Variants in KIRREL3 observed in about 807,000 individuals in gnomAD.
KIRREL3 encodes the protein kirre like nephrin family adhesion molecule 3, also known as kin of IRRE-like protein 3.
KIRREL3 carries 36 observed loss-of-function variants against 89.7 expected under a neutral mutation model. The ratio of observed to expected loss-of-function variants is 0.40; its 90% CI spans 0.31 to 0.53. The LOEUF (loss-of-function observed/expected upper bound fraction) is 0.53, where lower values mean the gene tolerates loss of function less well. KIRREL3 is among the 20% of genes least tolerant of loss of function. KIRREL3 has a pLI of 0.49. For missense variants in KIRREL3, 864 were observed against 1,056.6 expected (o/e 0.82, Z 2.53); for synonymous variants, 445 against 441.4 (o/e 1.01, Z -0.10).
rs1032587699 is a variant in KIRREL3, at chr11:126,995,598, C to G, written c.55+4857G>C. 1.0e-5 allele frequency: 3 copies of G among 294,832 alleles called. No individual in the cohort carries two copies. In the Admixed American group the frequency reaches 1.5e-4, roughly 14 times the overall value. The allele number at this position is 294,832 out of a possible 1,614,324, so 18.3% of individuals were successfully genotyped here. On this transcript the variant is annotated intron_variant, in intron 1 of 16. Coordinates refer to ENST00000525144, the MANE Select transcript of KIRREL3 (RefSeq NM_032531.4). The surrounding 1 kb of genome is among the most constrained non-coding windows in gnomAD (Gnocchi z 6.5). ...AGTGCTTTTGGCCCTCCTCCTCACT[C>G]CTCCAGTATGGGCAATTTTCTTTTC... is the stretch of plus-strand genomic sequence containing the variant.
At chr11:126,746,530 C>T (rs567637722) in intron 1 of KIRREL3, among the ~76,000 whole-genome samples, 1 of 152,236 alleles carries the variant, frequency 6.6e-6, no homozygotes, top group Non-Finnish European at 1.5e-5. Flanking sequence ...GCTGCGGATA[C>T]ATCAGACTCA....
rs1261103898 is a variant in KIRREL3, at chr11:126,890,951, C to G, written c.55+109504G>C. Among the ~76,000 whole-genome samples, 2 of 152,208 alleles carry G rather than the reference C, an allele frequency of 1.3e-5. No individual in the cohort carries two copies. The highest frequency in any genetic ancestry group is 1.5e-5 in the Non-Finnish European group (1 of 68,042). ...GCTGATTCCAGTGCTGTTGGTCCCC[C>G]GCTTGGTTCATTACATTTCTGAGCC... On this transcript the variant is annotated intron_variant, in intron 1 of 16. Coordinates refer to ENST00000525144, the MANE Select transcript of KIRREL3 (RefSeq NM_032531.4). The surrounding 1 kb of genome is among the most constrained non-coding windows in gnomAD (Gnocchi z 5.1).
rs547178906 is a variant in KIRREL3 at position 126,436,890 on chromosome 11, G to A, written c.1473C>T (p.Ala491=). Residue 491 remains alanine (A), a synonymous_variant, in exon 12 of 17, where the codon GCC becomes GCT. Transcript: ENST00000525144. ...STLTISNIVR[A]DFQTIYNCTA... ...TGCAGTTGTAGATGGTCTGGAAGTC[G>A]GCCCGCACGATGTTGCTGATGGTCA... The A allele has an allele frequency of 1.6e-5, 26 of 1,613,654 alleles. No homozygotes were observed. Among genetic ancestry groups the A allele is most frequent in the South Asian group, 1.1e-4 (10 of 91,062 alleles).
At chr11:126,878,107 T>C (rs531318851) in intron 1 of KIRREL3, among the ~76,000 whole-genome samples, 5 of 152,312 alleles carry the variant, frequency 3.3e-5, no homozygotes, top group African/African-American at 1.2e-4. Flanking sequence ...GGTAGGTACG[T>C]TGATGGAAGA....
At chr11:126,745,495 C>CAA (rs66469913) in intron 1 of KIRREL3, among the ~76,000 whole-genome samples, 4 of 148,600 alleles carry the variant, frequency 2.7e-5, no homozygotes, top group African/African-American at 4.9e-5. Context: ...AACAGAAAAA[C>CAA]AAAAAAAAAA....
chr11:126,442,691 G>A (rs528243302), intron 10 of KIRREL3, among the ~76,000 whole-genome samples: 5 of 152,218 alleles, frequency 3.3e-5, no homozygotes, highest in East Asian at 1.9e-4. Context: ...TCCACTGGGC[G>A]TCCCCCCTCC....
intron 1 of KIRREL3, among the ~76,000 whole-genome samples, chr11:126,920,795 T>G (rs760733179): frequency 6.6e-6 from 1 of 152,170 alleles, no homozygotes; most frequent in Non-Finnish European, 1.5e-5. Flanking sequence ...CATCGTACCT[T>G]CCTAGAAAAC....
rs1938324423 is a variant in KIRREL3, at chr11:126,541,002, T to C, written c.134-14315A>G. On this transcript the variant is annotated intron_variant, in intron 2 of 16. Transcript: ENST00000525144. The surrounding 1 kb of genome is among the most constrained non-coding windows in gnomAD (Gnocchi z 4.8). ...AGAGAGTGGCACTAAGGGGCAGGGA[T>C]GGAACTATGCCATTAGCTCAAGAGG... Among the ~76,000 whole-genome samples the C allele has an allele frequency of 6.6e-6, 1 of 152,102 alleles. No homozygotes were observed. The highest frequency in any genetic ancestry group is 2.4e-5 in the African/African-American group (1 of 41,428).
rs1284904805 is a variant in KIRREL3 at position 126,924,109 on chromosome 11, T to G, written c.55+76346A>C. ...TATTCCCAGTACTCGTCATAGCGCC[T>G]TGTAGACACTTGATAAGCAGTGGTC... is the stretch of plus-strand genomic sequence containing the variant. On this transcript the variant is annotated intron_variant, in intron 1 of 16. Coordinates refer to ENST00000525144, the MANE Select transcript of KIRREL3 (RefSeq NM_032531.4). This position sits in a 1 kb window ranked among gnomAD's most constrained non-coding sequence, Gnocchi z 4.7. 1.3e-5 allele frequency among the ~76,000 whole-genome samples: 2 copies of G among 152,224 alleles called. No individual in the cohort carries two copies. Among genetic ancestry groups the G allele is most frequent in the Non-Finnish European group, 2.9e-5 (2 of 68,046 alleles).
rs1377649145 is a variant in KIRREL3, at chr11:126,476,414, G to A, written c.434-2948C>T. On this transcript the variant is annotated intron_variant, in intron 4 of 16. Coordinates refer to ENST00000525144, the MANE Select transcript of KIRREL3 (RefSeq NM_032531.4). This position sits in a 1 kb window ranked among gnomAD's most constrained non-coding sequence, Gnocchi z 6.4. ...CGAGAATCCAAGACCCAGAGGACGG[G>A]CCCTTCCTCCTTGTGGCTGGAGTGT... 6.6e-6 allele frequency among the ~76,000 whole-genome samples: 1 copy of A among 152,160 alleles called. No individual in the cohort carries two copies. The highest frequency in any genetic ancestry group is 1.5e-5 in the Non-Finnish European group (1 of 68,034).
Position 126,668,732 on chromosome 11 carries a change from TC to T in KIRREL3, c.56-105821del, listed in dbSNP as rs1400043419. Among the ~76,000 whole-genome samples, 14 of 124,998 alleles carry T rather than the reference TC, an allele frequency of 1.1e-4. No individual in the cohort carries two copies. In the South Asian group the frequency reaches 3.9e-3, roughly 35 times the overall value. 82.0% of individuals were successfully genotyped at this position (124,998 alleles called of 152,430 possible). ...TTCTTTCTTTCTTTCTTTCTTTCTT[TC>T]TTTCTTTCTTTCTTTCTTTCTTTTT... On this transcript the variant is annotated intron_variant, in intron 1 of 16. Transcript: ENST00000525144. The surrounding 1 kb of genome is among the most constrained non-coding windows in gnomAD (Gnocchi z 4.4).
At chr11:126,536,384 A>T (rs1431043012) in intron 2 of KIRREL3, among the ~76,000 whole-genome samples, 1 of 152,030 alleles carries the variant, frequency 6.6e-6, no homozygotes, top group Non-Finnish European at 1.5e-5. Context: ...ACAACTGCCA[A>T]CCCTAAATCT....
intron 1 of KIRREL3, among the ~76,000 whole-genome samples, chr11:126,980,995 C>T (rs1344035260): frequency 3.9e-5 from 6 of 152,174 alleles, no homozygotes; most frequent in Admixed American, 2.6e-4. Context: ...AAATTTTCAT[C>T]CTCAGTACTT....
chr11:126,926,602 GC>G (rs200054656), intron 1 of KIRREL3, among the ~76,000 whole-genome samples: 3,126 of 152,186 alleles, frequency 0.021, 45 homozygotes, highest in Middle Eastern at 0.052. Flanking sequence ...CACCCTTCCT[GC>G]CCCGGTGACT....
chr11:126,625,265 A>G (rs753036792), intron 1 of KIRREL3, among the ~76,000 whole-genome samples: 2 of 152,288 alleles, frequency 1.3e-5, no homozygotes, highest in Non-Finnish European at 2.9e-5. Flanking sequence ...GCTACAATCC[A>G]GGTCTCAGGA....
chr11:126,962,543 G>T (rs1381168612), intron 1 of KIRREL3, among the ~76,000 whole-genome samples: 1 of 152,172 alleles, frequency 6.6e-6, no homozygotes, highest in Admixed American at 6.5e-5. Flanking sequence ...GTGGTTTCTT[G>T]AGGTGAAATG....
rs1956265385 is a variant in KIRREL3 at position 126,454,114 on chromosome 11, TA to T, written c.848+2234del. ...CCCATCGCCCGGATTCACCAGCTGT[TA>T]ACATTTTCTCACGCGTGCTTTGCGG... On this transcript the variant is annotated intron_variant, in intron 7 of 16. Transcript: ENST00000525144. The surrounding 1 kb of genome is among the most constrained non-coding windows in gnomAD (Gnocchi z 5.8). 6.6e-6 allele frequency among the ~76,000 whole-genome samples: 1 copy of T among 152,198 alleles called. No individual in the cohort carries two copies. The highest frequency in any genetic ancestry group is 2.4e-5 in the African/African-American group (1 of 41,456).
In KIRREL3 at chr11:126,997,390, T is replaced by C. The variant is rs527341904; in HGVS notation, c.55+3065A>G. 1.3e-5 allele frequency among the ~76,000 whole-genome samples: 2 copies of C among 152,192 alleles called. No homozygotes were observed. Among genetic ancestry groups the C allele is most frequent in the East Asian group, 3.9e-4 (2 of 5,158 alleles). ...CGGCAAGGGAGAAGCCCACAAGCAG[T>C]ACACACTGGCAGCTCTCCATTCCCT... On this transcript the variant is annotated intron_variant, in intron 1 of 16. Coordinates refer to ENST00000525144, the MANE Select transcript of KIRREL3 (RefSeq NM_032531.4). This position sits in a 1 kb window ranked among gnomAD's most constrained non-coding sequence, Gnocchi z 4.3.
In KIRREL3 at chr11:126,614,658, G is replaced by C. The variant is rs1419240537; in HGVS notation, c.56-51746C>G. ...CAGATTTCTGGTTCCTCAGTGTTAT[G>C]AGCTGGGCAGTGATGTCAGTCCAGC... On this transcript the variant is annotated intron_variant, in intron 1 of 16. Transcript: ENST00000525144. This position sits in a 1 kb window ranked among gnomAD's most constrained non-coding sequence, Gnocchi z 4.6. Among the ~76,000 whole-genome samples, 1 of 152,184 alleles carries C rather than the reference G, an allele frequency of 6.6e-6. No individual in the cohort carries two copies. The highest frequency in any genetic ancestry group is 1.5e-5 in the Non-Finnish European group (1 of 68,038).
Sources: gnomAD v4.1 joint callset for allele counts (sites outside exome capture counted in the v4.1 genomes callset) on GRCh38, gnomAD v4.1.1 for gene constraint, Gnocchi (gnomAD v3.1) non-coding constraint, MANE v1.5 for transcripts, NCBI Gene and HGNC (gene_info 2026-07-23, HGNC 2026-07-21) for gene names.